MND1: variants seen among roughly 807,000 people sequenced by gnomAD.
MND1 encodes meiotic nuclear divisions 1.
Under a neutral mutation model 35.1 loss-of-function variants are expected in MND1, and 28 were observed. The ratio of observed to expected loss-of-function variants is 0.80; its 90% CI spans 0.59 to 1.09. The LOEUF (loss-of-function observed/expected upper bound fraction) is 1.09, where lower values mean the gene tolerates loss of function less well. Ranked by LOEUF, MND1 falls within the 50% of genes least tolerant of loss-of-function variation. MND1 has a pLI of 0.00. For missense variants in MND1, 213 were observed against 239.6 expected, an observed-to-expected ratio of 0.89 and a Z score of 0.73; for synonymous variants, 69 against 70.5, an observed-to-expected ratio of 0.98 and a Z score of 0.11.
At chr4:153,383,346 A>G (rs1728760689) in intron 4 of MND1, among the ~76,000 whole-genome samples, 1 of 152,206 alleles carries the variant, frequency 6.6e-6, no homozygotes, top group South Asian at 2.1e-4. Context: ...AGCAGCCAGA[A>G]AAATAGAATG....
At chr4:153,350,952 A>G (rs1028912122) in intron 2 of MND1, among the ~76,000 whole-genome samples, 1 of 32,872 alleles carries the variant, frequency 3.0e-5, no homozygotes, top group Admixed American at 2.7e-4. Flanking sequence ...GATTCTTAGT[A>G]AAAAAAAAAA....
Position 153,409,017 on chromosome 4 carries a change from T to G in MND1, c.511+2T>G, listed in dbSNP as rs1289762435. The G allele has an allele frequency of 2.2e-6, 3 of 1,367,172 alleles. No individual in the cohort carries two copies. The highest frequency in any genetic ancestry group is 1.5e-5 in the African/African-American group (1 of 66,018). The allele number at this position is 1,367,172 out of a possible 1,614,324, so 84.7% of individuals were successfully genotyped here. ...AAGAAGCTGCTAACAGATGGACTGG[T>G]ATGTACTATAATAATGCTGATAAAC... On this transcript the variant is annotated splice_donor_variant, in intron 7 of 7. Transcript: ENST00000240488. LOFTEE classifies it high-confidence loss of function.
intron 7 of MND1, among the ~76,000 whole-genome samples, chr4:153,413,056 T>G (rs1729733921): frequency 6.6e-6 from 1 of 152,086 alleles, no homozygotes. Context: ...CCTTTTCTTA[T>G]AAAGATACCA....
chr4:153,408,909 T>G, intron 6 of MND1, 62 bp from the exon 7 acceptor site: 1 of 525,718 alleles, frequency 1.9e-6, no homozygotes, highest in Non-Finnish European at 2.6e-6. Flanking sequence ...GATCATTTTG[T>G]GTGTATATAT....
At chr4:153,407,741 T>C (rs1394124091) in intron 6 of MND1, among the ~76,000 whole-genome samples, 1 of 152,174 alleles carries the variant, frequency 6.6e-6, no homozygotes, top group African/African-American at 2.4e-5. Context: ...CTTGAAAACA[T>C]TGTGTTAAGT....
chr4:153,387,885 C>A (rs72969105), intron 4 of MND1, among the ~76,000 whole-genome samples: 4,702 of 151,458 alleles, frequency 0.031, 257 homozygotes, highest in African/African-American at 0.11. Flanking sequence ...AAGCAGTAGA[C>A]TGATCTAGTT....
At chr4:153,381,667 A>ATATATATAT (rs1554011382) in intron 4 of MND1, 2 of 25,458 alleles carry the variant, frequency 7.9e-5, no homozygotes, top group East Asian at 2.7e-3. Context: ...TATATAATAT[A>ATATATATAT]ATATATATAT....
intron 6 of MND1, among the ~76,000 whole-genome samples, chr4:153,398,095 T>C (rs1458167818): frequency 1.3e-5 from 2 of 152,208 alleles, no homozygotes; most frequent in African/African-American, 4.8e-5. Context: ...CTTTTAAATA[T>C]ACCAGTCATT....
intron 7 of MND1, 98 bp downstream of exon 7, chr4:153,409,113 AGG>A: frequency 1.9e-5 from 12 of 621,276 alleles, no homozygotes; most frequent in Non-Finnish European, 2.9e-5. Context: ...TGTTCAAGAA[AGG>A]ACGTTAATGA....
chr4:153,386,810 G>A (rs1225384436), intron 4 of MND1, among the ~76,000 whole-genome samples: 1 of 152,176 alleles, frequency 6.6e-6, no homozygotes, highest in Non-Finnish European at 1.5e-5. Flanking sequence ...AAGACACTAA[G>A]TAAAGTATAA....
intron 4 of MND1, among the ~76,000 whole-genome samples, chr4:153,379,892 C>T (rs1310424912): frequency 6.7e-6 from 1 of 148,524 alleles, no homozygotes; most frequent in African/African-American, 2.5e-5. Context: ...TGTTGTGGCG[C>T]ACACCTGTAG....
chr4:153,356,488 G>A (rs1453770839), intron 3 of MND1, among the ~76,000 whole-genome samples: 1 of 136,550 alleles, frequency 7.3e-6, no homozygotes, highest in African/African-American at 2.8e-5. Context: ...AGGAGGCAGA[G>A]CTTGCAGTGA....
intron 6 of MND1, among the ~76,000 whole-genome samples, chr4:153,400,000 CA>C (rs757134342): frequency 7.2e-6 from 1 of 139,818 alleles, no homozygotes; most frequent in African/African-American, 2.7e-5. Flanking sequence ...CCCGCAAGCT[CA>C]AGTCATTCCC....
At chr4:153,365,339 C>T (rs1335691438) in intron 4 of MND1, among the ~76,000 whole-genome samples, 1 of 152,034 alleles carries the variant, frequency 6.6e-6, no homozygotes, top group Non-Finnish European at 1.5e-5. Flanking sequence ...ATAGATAACT[C>T]ATAAAATAAG....
intron 4 of MND1, chr4:153,361,725 C>G (rs1773498284): frequency 2.8e-6 from 1 of 351,452 alleles, no homozygotes; most frequent in South Asian, 2.2e-5. Flanking sequence ...GTAGTCCCAG[C>G]TACTGGGGAG....
chr4:153,346,360 T>A (rs1773077420), intron 1 of MND1, among the ~76,000 whole-genome samples: 1 of 152,222 alleles, frequency 6.6e-6, no homozygotes, highest in Non-Finnish European at 1.5e-5. Context: ...TAACATGATT[T>A]TTTAAGTGGT....
intron 4 of MND1, among the ~76,000 whole-genome samples, chr4:153,381,428 C>G (rs982713631): frequency 2.0e-5 from 3 of 150,928 alleles, no homozygotes; most frequent in African/African-American, 7.3e-5. Context: ...TATACTCCCC[C>G]CAAATCAGAC....
At chr4:153,369,493 C>T (rs1305895061) in intron 4 of MND1, among the ~76,000 whole-genome samples, 2 of 152,056 alleles carry the variant, frequency 1.3e-5, no homozygotes, top group Non-Finnish European at 2.9e-5. Flanking sequence ...TCTCAGTGCA[C>T]CTAAAAGTTA....
At chr4:153,378,681 T>C (rs1375238541) in intron 4 of MND1, among the ~76,000 whole-genome samples, 4 of 152,238 alleles carry the variant, frequency 2.6e-5, no homozygotes, top group Admixed American at 2.0e-4. Context: ...AGCTGACATA[T>C]ATTCTATGTT....
Sources: gnomAD v4.1 joint callset for allele counts (sites outside exome capture counted in the v4.1 genomes callset) on GRCh38, gnomAD v4.1.1 for gene constraint, MANE v1.5 for transcripts, NCBI Gene and HGNC (gene_info 2026-07-23, HGNC 2026-07-21) for gene names.